LAYN: variants seen among roughly 807,000 people sequenced by gnomAD.
LAYN encodes layilin.
LAYN carries 38 observed loss-of-function variants against 43.6 expected under a neutral mutation model. That is an observed-to-expected ratio of 0.87 (90% confidence interval 0.67 to 1.14). LAYN has a LOEUF of 1.14. Ranked by LOEUF, LAYN falls within the 50% of genes most tolerant of loss-of-function variation. LAYN has a pLI of 0.00. For missense variants in LAYN, 479 were observed against 463.8 expected (o/e 1.03, Z -0.30); for synonymous variants, 168 against 172.9 (o/e 0.97, Z 0.22).
In LAYN at chr11:111,555,287, A is replaced by G. The variant is rs1867816492; in HGVS notation, c.655A>G (p.Arg219Gly). The stretch of plus-strand genomic sequence containing the variant: ...TGCCAAAAAAACATTTAAAGAAAGT[A>G]GAGGTATCTACAAAACTCTCCTGGG... ...EDAKKTFKES[R>G]EAALNLAYIL... The change falls in exon 5 of 7, where the codon AGA becomes GGA. Residue 219 changes from arginine (R) to glycine (G), a missense_variant. By Grantham distance (125) the Arg-to-Gly change is moderately radical. Coordinates refer to ENST00000375614, the MANE Select transcript of LAYN (RefSeq NM_178834.5). 1 of 1,607,894 alleles carries G rather than the reference A, an allele frequency of 6.2e-7. No individual in the cohort carries two copies. Among genetic ancestry groups the G allele is most frequent in the African/African-American group, 1.3e-5 (1 of 74,816 alleles).
rs998267939 is a variant in LAYN, at chr11:111,553,327, G to A, written c.542-1234G>A. On this transcript the variant is annotated intron_variant, in intron 3 of 6. Coordinates refer to ENST00000375614, the MANE Select transcript of LAYN (RefSeq NM_178834.5). ...TGAGTTTGATTTTATAAAACACTTA[G>A]AACAGCCCAGGCACAGTGGCTCACG... 2.6e-5 allele frequency among the ~76,000 whole-genome samples: 4 copies of A among 152,144 alleles called. No homozygotes were observed. The South Asian group carries it at 8.3e-4, about 32-fold the overall frequency.
upstream of LAYN, chr11:111,540,553 G>A (rs1039510255): frequency 2.3e-5 from 11 of 471,784 alleles, 1 homozygote; most frequent in Admixed American, 8.9e-5. Context: ...CAGGGAGCTG[G>A]TTCCCCTCTG....
chr11:111,551,815 G>T (rs780230006), intron 3 of LAYN, among the ~76,000 whole-genome samples: 9 of 152,132 alleles, frequency 5.9e-5, no homozygotes, highest in Non-Finnish European at 1.0e-4. Flanking sequence ...AGGAAAATCG[G>T]TAGAATCTGA....
In LAYN at chr11:111,540,816, G is replaced by C. The variant is rs896881456; in HGVS notation, c.-28G>C. 33 of 1,515,130 alleles carry C rather than the reference G, an allele frequency of 2.2e-5. No individual in the cohort carries two copies. The highest frequency in any genetic ancestry group is 2.8e-5 in the Non-Finnish European group (32 of 1,138,486). The allele number at this position is 1,515,130 out of a possible 1,614,324, so 93.9% of individuals were successfully genotyped here. ...CCCGCTCCACCGCCGTAGCGCCCGA[G>C]TGTCGGGGGGCGCACCCGAGTCGGG... On this transcript the variant is annotated 5_prime_UTR_variant, in exon 1 of 7. Transcript: ENST00000375614.
chr11:111,546,148 G>A (rs1195431075), intron 2 of LAYN, among the ~76,000 whole-genome samples: 2 of 152,078 alleles, frequency 1.3e-5, no homozygotes, highest in Non-Finnish European at 2.9e-5. Context: ...CTCCCTGCTT[G>A]TTCAGTGCCT....
At chr11:111,540,427 T>C (rs550914192), upstream of LAYN, 26 of 208,254 alleles carry the variant, frequency 1.2e-4, no homozygotes, top group South Asian at 2.2e-3. Flanking sequence ...TGAGATGTGG[T>C]GCTAGTTTTA....
chr11:111,548,098 G>T (rs1417914359), intron 2 of LAYN, among the ~76,000 whole-genome samples: 1 of 152,184 alleles, frequency 6.6e-6, no homozygotes, highest in Non-Finnish European at 1.5e-5. Flanking sequence ...CTTAATACCT[G>T]TCCCCAGTAT....
At chr11:111,554,127 A>G (rs897358662) in intron 3 of LAYN, among the ~76,000 whole-genome samples, 11 of 152,226 alleles carry the variant, frequency 7.2e-5, no homozygotes, top group Non-Finnish European at 1.0e-4. Flanking sequence ...AAACATCCCC[A>G]TTATGAACTG....
chr11:111,555,290 G>T lies in LAYN; in HGVS notation c.658G>T (p.Glu220Ter), dbSNP rs1591570013. Residue 220 changes from glutamate to a stop codon, truncating the protein, a stop_gained and splice_region_variant, in exon 5 of 7, where the codon GAA becomes TAA. Coordinates refer to ENST00000375614, the MANE Select transcript of LAYN (RefSeq NM_178834.5). LOFTEE classifies it high-confidence loss of function. ...CAAAAAAACATTTAAAGAAAGTAGA[G>T]GTATCTACAAAACTCTCCTGGGAAA... ...DAKKTFKESREAALNLAYILI... is the reference protein window; with the variant it reads ...DAKKTFKESR 2 of 1,604,948 alleles carry T rather than the reference G, an allele frequency of 1.2e-6. No individual in the cohort carries two copies. The highest frequency in any genetic ancestry group is 4.5e-5 in the East Asian group (2 of 44,798).
Position 111,544,151 on chromosome 11 carries a change from A to G in LAYN, c.314A>G (p.Glu105Gly). 6.2e-7 allele frequency: 1 copy of G among 1,614,164 alleles called. No homozygotes were observed. The highest frequency in any genetic ancestry group is 8.5e-7 in the Non-Finnish European group (1 of 1,180,020). ...TGGATTGGGCTCAGGAGGCGTGAGG[A>G]GAAACAAAGCAATAGCACAGCCTGC... is the stretch of plus-strand genomic sequence containing the variant. ...DFWIGLRRRE[E>G]KQSNSTACQD... The change falls in exon 2 of 7, where the codon GAG (glutamate) becomes GGG (glycine). Residue 105 changes from glutamate to glycine, a missense_variant. Physicochemically the swap from Glu to Gly is moderately conservative, Grantham distance 98 (BLOSUM62 -2). Transcript: ENST00000375614.
chr11:111,541,533 G>A, intron 1 of LAYN: 1 of 1,535,860 alleles, frequency 6.5e-7, no homozygotes, highest in Middle Eastern at 1.7e-4. Context: ...ATGACTCTCT[G>A]CTTCCTTCCT....
Position 111,554,570 on chromosome 11 carries a change from C to T in LAYN, c.551C>T (p.Ala184Val). 1 of 1,612,700 alleles carries T rather than the reference C, an allele frequency of 6.2e-7. No individual in the cohort carries two copies. The highest frequency in any genetic ancestry group is 1.1e-5 in the South Asian group (1 of 91,040). ...FICKYSDEKP[A>V]VPSREAEGEE... is the part of the protein sequence containing the mutation. Reference sequence around the variant, plus strand: ...TTTCTTTCTACTACAGAGAAACCAGCAGTTCCTTCTAGAGAAGCTGAAGGT... The same window carrying T: ...TTTCTTTCTACTACAGAGAAACCAGTAGTTCCTTCTAGAGAAGCTGAAGGT... The change falls in exon 4 of 7, where the codon GCA (alanine) becomes GTA (valine). Residue 184 changes from alanine (A) to valine (V), a missense_variant. Ala to Val is a moderately conservative substitution (Grantham distance 64). Transcript: ENST00000375614.
chr11:111,559,647 C>G (rs555361635), intron 6 of LAYN, among the ~76,000 whole-genome samples: 1 of 151,614 alleles, frequency 6.6e-6, no homozygotes, highest in Admixed American at 6.6e-5. Flanking sequence ...TTTATAGGGA[C>G]GGGGTTTTAA....
chr11:111,540,501 C>T, upstream of LAYN: 1 of 385,748 alleles, frequency 2.6e-6, no homozygotes, highest in Non-Finnish European at 4.7e-6. Context: ...CGCCCAGCGC[C>T]TCGGGCAAAC....
intron 6 of LAYN, among the ~76,000 whole-genome samples, chr11:111,558,734 G>C (rs1867887284): frequency 6.7e-6 from 1 of 149,852 alleles, no homozygotes; most frequent in African/African-American, 2.4e-5. Flanking sequence ...GAGGCCTATG[G>C]ACTCCTTCCA....
At chr11:111,549,590 G>A in intron 2 of LAYN, 28 bp from the exon 3 acceptor site, 1 of 1,494,746 alleles carries the variant, frequency 6.7e-7, no homozygotes, top group Non-Finnish European at 8.9e-7. Context: ...TTCTCCAGTT[G>A]CCTCTACTGC....
In LAYN at chr11:111,560,831, A is replaced by G. The variant is rs1799937668; in HGVS notation, c.*373A>G. 5.6e-6 allele frequency: 1 copy of G among 178,880 alleles called. No homozygotes were observed. The highest frequency in any genetic ancestry group is 1.2e-5 in the Non-Finnish European group (1 of 85,112). The allele number at this position is 178,880 out of a possible 1,614,324, so 11.1% of individuals were successfully genotyped here. A position where few individuals can be genotyped will look rare whatever the true frequency, so the allele number is the denominator to read the frequency against. On this transcript the variant is annotated 3_prime_UTR_variant, in exon 7 of 7. Coordinates refer to ENST00000375614, the MANE Select transcript of LAYN (RefSeq NM_178834.5). ...TTCCTTGCTCTATACAGCAGCACAT[A>G]TTATCATACAGACAGAAAATCCAGA... is the stretch of plus-strand genomic sequence containing the variant.
intron 2 of LAYN, among the ~76,000 whole-genome samples, 190 bp downstream of exon 2, chr11:111,544,410 C>A (rs1266119671): frequency 6.6e-6 from 1 of 152,216 alleles, no homozygotes. Context: ...TTGGGCCCAA[C>A]TGATGTCCAA....
At chr11:111,547,747 A>G (rs1184961095) in intron 2 of LAYN, among the ~76,000 whole-genome samples, 2 of 152,200 alleles carry the variant, frequency 1.3e-5, no homozygotes, top group African/African-American at 4.8e-5. Flanking sequence ...TAGAGATGCA[A>G]TGGGGAACAC....
Sources: allele counts gnomAD v4.1 joint callset (sites outside exome capture counted in the v4.1 genomes callset), GRCh38; gene constraint gnomAD v4.1.1; transcripts MANE v1.5; gene names NCBI Gene and HGNC (gene_info 2026-07-23, HGNC 2026-07-21).